WBP2NL: variants seen among roughly 807,000 people sequenced by gnomAD.
WBP2NL encodes the protein postacrosomal sheath WW domain-binding protein.
In WBP2NL, 27 loss-of-function variants were observed where a neutral mutation model predicts 23.3. The observed-to-expected ratio is 1.16, with a 90% CI of 0.85 to 1.60. The LOEUF (loss-of-function observed/expected upper bound fraction) is 1.60, where lower values mean the gene tolerates loss of function less well. Ranked by LOEUF, WBP2NL falls within the 40% of genes most tolerant of loss-of-function variation. The pLI, the probability that WBP2NL is intolerant of heterozygous loss-of-function variation, is 0.00. For synonymous variants in WBP2NL, 151 were observed against 145.9 expected (o/e 1.03, Z -0.25); for missense variants, 370 against 389.5 (o/e 0.95, Z 0.42).
intron 8 of WBP2NL, among the ~76,000 whole-genome samples, chr22:42,053,638 T>C (rs1035653084): frequency 2.6e-5 from 4 of 151,972 alleles, no homozygotes; most frequent in Non-Finnish European, 5.9e-5. Context: ...TTTTGTATTT[T>C]TAGTAGAGAC....
At chr22:42,013,281 G>A (rs1343777770) in intron 1 of WBP2NL, among the ~76,000 whole-genome samples, 1 of 151,828 alleles carries the variant, frequency 6.6e-6, no homozygotes, top group African/African-American at 2.4e-5. Flanking sequence ...AGCTACTCGG[G>A]AGGCTGAGGC....
chr22:42,055,731 T>C (rs1926004196), intron 8 of WBP2NL, among the ~76,000 whole-genome samples: 1 of 152,224 alleles, frequency 6.6e-6, no homozygotes, highest in Non-Finnish European at 1.5e-5. Flanking sequence ...TTAGGTATGC[T>C]AATGTGTAAA....
In WBP2NL at chr22:42,054,347, AT is replaced by A. The variant is rs774410235; in HGVS notation, c.*274-3928del. Among the ~76,000 whole-genome samples, 962 of 141,304 alleles carry A rather than the reference AT, an allele frequency of 6.8e-3. 3 individuals carry two copies. Among genetic ancestry groups the A allele is most frequent in the African/African-American group, 0.017 (660 of 38,778 alleles). The allele number at this position is 141,304 out of a possible 152,430, so 92.7% of individuals were successfully genotyped here. ...AGGCGCATGGCACCATGCCCAGGTA[AT>A]TTTTTTTTTTTTTTGTATTTTTAGT... is the stretch of plus-strand genomic sequence containing the variant. On this transcript the variant is annotated intron_variant and NMD_transcript_variant, in intron 8 of 8. Coordinates refer to the WBP2NL transcript ENST00000436265.
intron 1 of WBP2NL, among the ~76,000 whole-genome samples, chr22:42,005,776 A>G (rs1174432288): frequency 6.6e-6 from 1 of 152,212 alleles, no homozygotes; most frequent in Non-Finnish European, 1.5e-5. Flanking sequence ...GGAAAATTTA[A>G]ATATGTGGGA....
At chr22:42,024,795 G>C (rs1924325453) in intron 5 of WBP2NL, among the ~76,000 whole-genome samples, 1 of 140,264 alleles carries the variant, frequency 7.1e-6, no homozygotes, top group Non-Finnish European at 1.5e-5. Flanking sequence ...TCACATTCTT[G>C]ATAATGACTT....
chr22:42,051,281 A>C (rs1046171737), intron 8 of WBP2NL, among the ~76,000 whole-genome samples: 1 of 152,096 alleles, frequency 6.6e-6, no homozygotes, highest in Non-Finnish European at 1.5e-5. Flanking sequence ...ACTCTGTGAC[A>C]TTCTGGAAAA....
downstream of WBP2NL, chr22:42,032,914 CAG>C (rs1925039997): frequency 1.4e-5 from 3 of 208,864 alleles, no homozygotes; most frequent in African/African-American, 4.7e-5. Context: ...AATAATAAAA[CAG>C]GGTATTAATT....
intron 1 of WBP2NL, among the ~76,000 whole-genome samples, chr22:42,016,361 G>A (rs133333): frequency 0.72 from 109,724 of 151,956 alleles, 40,087 homozygotes; most frequent in East Asian, 0.9. Flanking sequence ...CCTTTGAGCC[G>A]GTCCTTCAAG....
At chr22:42,021,034 C>T (rs1297699017) in intron 4 of WBP2NL, among the ~76,000 whole-genome samples, 1 of 148,068 alleles carries the variant, frequency 6.8e-6, no homozygotes, top group Admixed American at 6.8e-5. Flanking sequence ...ATTCTCCTCC[C>T]TCAGCCTCCC....
chr22:42,022,115 T>C, intron 4 of WBP2NL, 134 bp from the exon 5 acceptor site: 2 of 732,324 alleles, frequency 2.7e-6, no homozygotes, highest in Non-Finnish European at 2.3e-6. Context: ...TTCTTTTTTA[T>C]CTTGTGTCTC....
Position 42,027,497 on chromosome 22 carries a change from C to G in WBP2NL, c.*316C>G. On this transcript the variant is annotated 3_prime_UTR_variant, in exon 6 of 6. Coordinates refer to ENST00000328823, the MANE Select transcript of WBP2NL (RefSeq NM_152613.3). Reference sequence around the variant, plus strand: ...ACTCGCATTCAAGGTTCCTGTCTTCCCATCCTCATTCAAGAAACATTTATT... The same window carrying G: ...ACTCGCATTCAAGGTTCCTGTCTTCGCATCCTCATTCAAGAAACATTTATT... 3.0e-6 allele frequency: 1 copy of G among 334,540 alleles called. No homozygotes were observed. The highest frequency in any genetic ancestry group is 4.8e-5 in the East Asian group (1 of 20,844). 20.7% of individuals were successfully genotyped at this position (334,540 alleles called of 1,614,324 possible). A position where few individuals can be genotyped will look rare whatever the true frequency, so the allele number is the denominator to read the frequency against.
chr22:42,053,982 A>T (rs553273648), intron 8 of WBP2NL, among the ~76,000 whole-genome samples: 2 of 152,234 alleles, frequency 1.3e-5, no homozygotes, highest in East Asian at 3.9e-4. Context: ...AAAAAATGAG[A>T]CAAGGTCTTA....
At chr22:42,025,011 C>T (rs561131498) in intron 5 of WBP2NL, among the ~76,000 whole-genome samples, 1 of 152,302 alleles carries the variant, frequency 6.6e-6, no homozygotes, top group South Asian at 2.1e-4. Flanking sequence ...CCATGTTGTT[C>T]AGACTCATCT....
chr22:42,038,843 A>G (rs1925288219), intron 8 of WBP2NL, among the ~76,000 whole-genome samples: 1 of 152,002 alleles, frequency 6.6e-6, no homozygotes, highest in Non-Finnish European at 1.5e-5. Flanking sequence ...ACCTCAGGTG[A>G]TACACCCACC....
chr22:42,043,404 T>G (rs1487137653), intron 8 of WBP2NL, among the ~76,000 whole-genome samples: 2 of 152,112 alleles, frequency 1.3e-5, no homozygotes, highest in African/African-American at 4.8e-5. Context: ...TATGCTCAGT[T>G]GTGGGAGCCA....
At chr22:42,016,835 C>T (rs9623498) in intron 1 of WBP2NL, among the ~76,000 whole-genome samples, 456 of 152,302 alleles carry the variant, frequency 3.0e-3, no homozygotes, top group African/African-American at 0.01. Flanking sequence ...CCCTCTGATA[C>T]ACTACCTTCT....
At chr22:42,000,284 A>C (rs1293455697) in intron 1 of WBP2NL, among the ~76,000 whole-genome samples, 1 of 152,120 alleles carries the variant, frequency 6.6e-6, no homozygotes, top group Non-Finnish European at 1.5e-5. Context: ...GTATGTTCTC[A>C]CCTGCTTCCT....
At chr22:42,044,493 T>C (rs1353601922) in intron 8 of WBP2NL, among the ~76,000 whole-genome samples, 1 of 152,192 alleles carries the variant, frequency 6.6e-6, no homozygotes, top group East Asian at 1.9e-4. Context: ...TTTCGTTCTT[T>C]GAAAAGATGA....
chr22:42,038,575 A>C (rs1332814155), intron 8 of WBP2NL, among the ~76,000 whole-genome samples: 1 of 152,024 alleles, frequency 6.6e-6, no homozygotes, highest in Non-Finnish European at 1.5e-5. Context: ...TAGCATATGA[A>C]ACCATCCGGT....
Sources: gnomAD v4.1 joint callset for allele counts (sites outside exome capture counted in the v4.1 genomes callset) on GRCh38, gnomAD v4.1.1 for gene constraint, MANE v1.5 for transcripts, NCBI Gene and HGNC (gene_info 2026-07-23, HGNC 2026-07-21) for gene names.